Variants in SLC4A10 observed in about 807,000 individuals in gnomAD.
SLC4A10 encodes the protein sodium-driven chloride bicarbonate exchanger.
Under a neutral mutation model 137.7 loss-of-function variants are expected in SLC4A10, and 42 were observed. The observed-to-expected ratio is 0.30, with a 90% CI of 0.24 to 0.39. The LOEUF (loss-of-function observed/expected upper bound fraction) is 0.39, where lower values mean the gene tolerates loss of function less well. Ranked by LOEUF, SLC4A10 falls within the 10% of genes least tolerant of loss-of-function variation. SLC4A10 has a pLI of 1.00. For missense variants in SLC4A10, 925 were observed against 1,355.0 expected (o/e 0.68, Z 4.98); for synonymous variants, 474 against 464.1 (o/e 1.02, Z -0.27).
intron 2 of SLC4A10, 66 bp downstream of exon 2, chr2:161,771,120 G>A: frequency 1.7e-6 from 2 of 1,189,902 alleles, no homozygotes; most frequent in Non-Finnish European, 2.4e-6. Flanking sequence ...GATAAATGTA[G>A]TTTGTCACAT....
At chr2:161,967,207 G>A (rs972847035) in intron 23 of SLC4A10, among the ~76,000 whole-genome samples, 1 of 152,116 alleles carries the variant, frequency 6.6e-6, no homozygotes, top group African/African-American at 2.4e-5. Flanking sequence ...TCCCCAAAAT[G>A]TGCCCATTAG....
intron 3 of SLC4A10, among the ~76,000 whole-genome samples, chr2:161,819,562 TTGGCTCAC>T (rs931110570): frequency 6.6e-6 from 1 of 151,984 alleles, no homozygotes; most frequent in African/African-American, 2.4e-5. Flanking sequence ...TAGCACAGTC[TTGGCTCAC>T]TGCAACCTCT....
intron 7 of SLC4A10, chr2:161,873,677 A>G: frequency 2.5e-6 from 1 of 392,240 alleles, no homozygotes; most frequent in Middle Eastern, 7.5e-4. Flanking sequence ...AGCCCTTAGC[A>G]CTGGCAATAA....
At chr2:161,689,139 ATGTT>A (rs1417388218) in intron 1 of SLC4A10, among the ~76,000 whole-genome samples, 2 of 152,208 alleles carry the variant, frequency 1.3e-5, no homozygotes, top group African/African-American at 4.8e-5. Flanking sequence ...AAAAATTAAA[ATGTT>A]TGTAAAGTAA....
In SLC4A10 at chr2:161,839,859, C is replaced by G. The variant is rs368047320; in HGVS notation, c.348C>G (p.Asp116Glu). ...EDDDEEHIPH[D>E]LFTELDEICW... ...ATGACGAGGAACACATTCCTCATGA[C>G]CTTTTCACAGAACTGGATGAGATTT... is the stretch of plus-strand genomic sequence containing the variant. Residue 116 changes from aspartate (D) to glutamate (E), a missense_variant, in exon 4 of 27, where the codon GAC becomes GAG. This residue lies in a region of SLC4A10 where 138 missense variants were observed against 171.3 expected (regional missense o/e 0.81). Transcript: ENST00000446997. 4 of 1,613,758 alleles carry G rather than the reference C, an allele frequency of 2.5e-6. No homozygotes were observed. The highest frequency in any genetic ancestry group is 1.3e-5 in the African/African-American group (1 of 74,896).
chr2:161,719,550 C>T (rs1030002255), intron 1 of SLC4A10, among the ~76,000 whole-genome samples: 8 of 152,048 alleles, frequency 5.3e-5, no homozygotes, highest in African/African-American at 1.9e-4. Context: ...TCTCTACATC[C>T]TCTCCAGCAC....
At chr2:161,977,603 T>C in intron 25 of SLC4A10, 119 bp from the exon 26 acceptor site, 1 of 781,718 alleles carries the variant, frequency 1.3e-6, no homozygotes, top group Non-Finnish European at 2.0e-6. Context: ...TATCTCTTTT[T>C]GTTAGAGAGT....
chr2:161,824,225 C>A (rs376498791), intron 3 of SLC4A10, among the ~76,000 whole-genome samples: 8 of 152,104 alleles, frequency 5.3e-5, no homozygotes, highest in African/African-American at 1.9e-4. Flanking sequence ...TTGTAAGGAC[C>A]TTTAAGGTTC....
intron 1 of SLC4A10, among the ~76,000 whole-genome samples, chr2:161,674,606 A>G (rs2040087750): frequency 6.6e-6 from 1 of 152,204 alleles, no homozygotes; most frequent in African/African-American, 2.4e-5. Context: ...TTATATCACA[A>G]AATATTTTTA....
At chr2:161,769,949 T>C (rs975463662) in intron 1 of SLC4A10, among the ~76,000 whole-genome samples, 4 of 151,858 alleles carry the variant, frequency 2.6e-5, no homozygotes, top group African/African-American at 9.7e-5. Flanking sequence ...AGTTGCTGGA[T>C]AGAAGAAAAA....
intron 1 of SLC4A10, among the ~76,000 whole-genome samples, chr2:161,682,505 T>G (rs1467276656): frequency 6.6e-6 from 1 of 152,176 alleles, no homozygotes; most frequent in African/African-American, 2.4e-5. Flanking sequence ...GACATATAAA[T>G]AGAATTTTAC....
chr2:161,882,571 T>G (rs2061884239), intron 10 of SLC4A10, 127 bp downstream of exon 10: 3 of 492,734 alleles, frequency 6.1e-6, no homozygotes, highest in Non-Finnish European at 1.1e-5. Context: ...TCTCCCATGC[T>G]TCTGCTATAA....
chr2:161,954,788 T>G (rs1259018686), intron 19 of SLC4A10, among the ~76,000 whole-genome samples: 2 of 152,198 alleles, frequency 1.3e-5, no homozygotes, highest in Non-Finnish European at 2.9e-5. Context: ...AGAAAAGAAA[T>G]TATTTCCTCT....
chr2:161,625,455 C>T (rs955989655), intron 1 of SLC4A10, among the ~76,000 whole-genome samples: 2 of 151,848 alleles, frequency 1.3e-5, no homozygotes, highest in African/African-American at 2.4e-5. Context: ...ACAGAGATGA[C>T]AGTCATAGCT....
intron 2 of SLC4A10, among the ~76,000 whole-genome samples, chr2:161,776,142 G>C (rs147578232): frequency 1.6e-4 from 24 of 152,014 alleles, no homozygotes; most frequent in African/African-American, 5.5e-4. Context: ...GATGTGGCAA[G>C]TTTCTGTTGT....
Position 161,977,722 on chromosome 2 carries a change from C to A in SLC4A10, c.3345C>A (p.Ser1115Arg). 2 of 1,599,772 alleles carry A rather than the reference C, an allele frequency of 1.3e-6. No homozygotes were observed. The highest frequency in any genetic ancestry group is 1.7e-6 in the Non-Finnish European group (2 of 1,174,784). The change falls in exon 26 of 27, where the codon AGC becomes AGA. Residue 1115 changes from serine (S) to arginine (R), a missense_variant and splice_region_variant. Ser to Arg is a moderately radical substitution (Grantham distance 110). Transcript: ENST00000446997. The part of the protein sequence containing the change: ...KDKESSFPSK[S>R]SPS ...TTTTATATTACATTTTTGTCATAAG[C>A]TCCCCTTCCTAATCACTCTAGAAGC...
chr2:161,805,604 T>C (rs745899838), intron 3 of SLC4A10, among the ~76,000 whole-genome samples: 1 of 152,158 alleles, frequency 6.6e-6, no homozygotes, highest in Admixed American at 6.6e-5. Flanking sequence ...ACAGGCCCAA[T>C]GCAAGTCCAA....
rs376435646 is a variant in SLC4A10, at chr2:161,804,643, C to A, written c.277+48C>A. On this transcript the variant is annotated intron_variant, in intron 3 of 26. Transcript: ENST00000446997. ...TTATTAAGTTAATTATTGTAATATA[C>A]TTGCTTATACAATTATGATTAGGAG... 45 of 1,502,516 alleles carry A rather than the reference C, an allele frequency of 3.0e-5. No individual in the cohort carries two copies. In the African/African-American group the frequency reaches 4.5e-4, roughly 15 times the overall value. 93.1% of individuals were successfully genotyped at this position (1,502,516 alleles called of 1,614,324 possible).
At chr2:161,904,302 T>G in intron 13 of SLC4A10, 124 bp downstream of exon 13, 1 of 1,010,162 alleles carries the variant, frequency 9.9e-7, no homozygotes, top group Non-Finnish European at 1.4e-6. Flanking sequence ...GTCTGGCAGA[T>G]ACACCTTATA....
Sources: allele counts gnomAD v4.1 joint callset (sites outside exome capture counted in the v4.1 genomes callset), GRCh38; gene constraint gnomAD v4.1.1; regional missense constraint gnomAD v4.1.1; transcripts MANE v1.5; gene names NCBI Gene and HGNC (gene_info 2026-07-23, HGNC 2026-07-21).